The following MAN2B2 variants were observed in gnomAD, a reference collection of about 807,000 sequenced individuals.
MAN2B2 encodes the protein mannosidase alpha class 2B member 2, also known as epididymis-specific alpha-mannosidase.
MAN2B2 carries 106 observed loss-of-function variants against 117.1 expected under a neutral mutation model. The observed-to-expected ratio is 0.90, with a 90% confidence interval of 0.77 to 1.06. The LOEUF (loss-of-function observed/expected upper bound fraction) is 1.06. Ranked by LOEUF, MAN2B2 falls within the 50% of genes least tolerant of loss-of-function variation. The probability of loss-of-function intolerance (pLI) is 0.00; values close to 1 mark genes in which losing one functional copy is unlikely to be tolerated. For missense variants in MAN2B2, 1,326 were observed against 1,381.4 expected, an observed-to-expected ratio of 0.96 and a Z score of 0.64; for synonymous variants, 544 against 595.1, an observed-to-expected ratio of 0.91 and a Z score of 1.25.
chr4:6,580,126 G>T (rs1358141886), intron 3 of MAN2B2, among the ~76,000 whole-genome samples: 1 of 152,178 alleles, frequency 6.6e-6, no homozygotes, highest in Non-Finnish European at 1.5e-5. Context: ...CTGTAATCTG[G>T]AGTGTTCCCC....
chr4:6,616,769 T>G (rs1711896556), intron 16 of MAN2B2, among the ~76,000 whole-genome samples: 1 of 152,118 alleles, frequency 6.6e-6, no homozygotes, highest in Non-Finnish European at 1.5e-5. Context: ...GTGGGCAGCC[T>G]TACAGTCGGC....
chr4:6,603,655 C>T (rs1399424605), intron 10 of MAN2B2, among the ~76,000 whole-genome samples: 1 of 152,044 alleles, frequency 6.6e-6, no homozygotes, highest in African/African-American at 2.4e-5. Context: ...GTGTACTAAC[C>T]AAACAGACAA....
In MAN2B2 at chr4:6,614,267, GC is replaced by G. The variant is rs763040774; in HGVS notation, c.2618del (p.Pro873ArgfsTer8). Reference protein sequence around the residue: ...GPQQQEAVTLPPNLHLQILSI... With the variant: ...GPQQQEAVTLXPNLHLQILSI... ...CCCAGCAGCAAGAGGCCGTGACGCT[GC>G]CCCCGAATCTTCACCTGCAGATCCT... On this transcript the variant is annotated frameshift_variant, in exon 16 of 19. Coordinates refer to ENST00000285599, the MANE Select transcript of MAN2B2 (RefSeq NM_015274.3). LOFTEE classifies it high-confidence loss of function. 1 of 1,614,102 alleles carries G rather than the reference GC, an allele frequency of 6.2e-7. No homozygotes were observed.
chr4:6,608,739 A>T (rs1048641655), intron 11 of MAN2B2, among the ~76,000 whole-genome samples: 1 of 152,118 alleles, frequency 6.6e-6, no homozygotes, highest in African/African-American at 2.4e-5. Context: ...GTCTGTACAC[A>T]TGGGTGTCCT....
chr4:6,578,595 C>T, intron 3 of MAN2B2, 97 bp downstream of exon 3: 2 of 1,002,836 alleles, frequency 2.0e-6, no homozygotes, highest in Non-Finnish European at 1.5e-6. Context: ...CTGTCTGCCC[C>T]TCTTAGTGGG....
chr4:6,579,118 C>T (rs977965480), intron 3 of MAN2B2, among the ~76,000 whole-genome samples: 1 of 63,848 alleles, frequency 1.6e-5, no homozygotes, highest in Non-Finnish European at 3.4e-5. Flanking sequence ...CCATCACCAT[C>T]ACCACTACCA....
Position 6,605,056 on chromosome 4 carries a change from T to C in MAN2B2, c.1541T>C (p.Ile514Thr), listed in dbSNP as rs757265430. 1 of 1,609,444 alleles carries C rather than the reference T, an allele frequency of 6.2e-7. No individual in the cohort carries two copies. The highest frequency in any genetic ancestry group is 1.3e-5 in the African/African-American group (1 of 74,882). ...DEAGHPVPSQIQNSTETPSAY... is the reference protein window; with the variant it reads ...DEAGHPVPSQTQNSTETPSAY... ...AGTCTCATCCTGCTGGCCTTGCAGATCCAGAACTCAACAGAGACCCCATCT... is the reference window on the plus strand; with the variant it reads ...AGTCTCATCCTGCTGGCCTTGCAGACCCAGAACTCAACAGAGACCCCATCT... Residue 514 changes from isoleucine to threonine, a missense_variant and splice_region_variant, in exon 11 of 19, where the codon ATC becomes ACC. Coordinates refer to ENST00000285599, the MANE Select transcript of MAN2B2 (RefSeq NM_015274.3).
At chr4:6,584,594 G>A (rs1377291486) in intron 3 of MAN2B2, among the ~76,000 whole-genome samples, 1 of 152,248 alleles carries the variant, frequency 6.6e-6, no homozygotes, top group Admixed American at 6.5e-5. Flanking sequence ...TTTGCCTACA[G>A]TGAACAGTCC....
At chr4:6,581,135 AT>A (rs1726413304) in intron 3 of MAN2B2, among the ~76,000 whole-genome samples, 2 of 152,070 alleles carry the variant, frequency 1.3e-5, no homozygotes, top group Non-Finnish European at 2.9e-5. Context: ...ACAAATGCTT[AT>A]TTGTAGAGAA....
At chr4:6,586,053 G>GTTTTTTTTTTTTTTTTTTTT (rs759999292) in intron 3 of MAN2B2, among the ~76,000 whole-genome samples, 1 of 143,926 alleles carries the variant, frequency 6.9e-6, no homozygotes, top group African/African-American at 2.6e-5. Context: ...TTTTCTTGTG[G>GTTTTTTTTTTTTTTTTTTTT]TTTTTTTTTT....
chr4:6,581,078 G>A (rs1359159167), intron 3 of MAN2B2, among the ~76,000 whole-genome samples: 3 of 152,238 alleles, frequency 2.0e-5, no homozygotes, highest in South Asian at 4.1e-4. Context: ...AGATGTACAC[G>A]TATTTTTTTT....
At chr4:6,592,801 A>G (rs1240422877) in intron 5 of MAN2B2, among the ~76,000 whole-genome samples, 1 of 151,938 alleles carries the variant, frequency 6.6e-6, no homozygotes, top group Non-Finnish European at 1.5e-5. Context: ...AAACTCTGAC[A>G]TTTTGTTCCT....
intron 7 of MAN2B2, 29 bp from the exon 8 acceptor site, chr4:6,597,084 C>T: frequency 3.1e-6 from 5 of 1,603,780 alleles, no homozygotes; most frequent in Non-Finnish European, 4.3e-6. Flanking sequence ...CATGCCGTCT[C>T]AAGCTCACCA....
chr4:6,600,440 T>G (rs1176493901), intron 9 of MAN2B2, among the ~76,000 whole-genome samples, 183 bp from the exon 10 acceptor site: 1 of 152,246 alleles, frequency 6.6e-6, no homozygotes, highest in African/African-American at 2.4e-5. Context: ...GACTGCAGAA[T>G]GTAGCCCACG....
Position 6,611,007 on chromosome 4 carries a change from G to A in MAN2B2, c.2370+17G>A, listed in dbSNP as rs780479622. 1.9e-6 allele frequency: 3 copies of A among 1,613,774 alleles called. No homozygotes were observed. The highest frequency in any genetic ancestry group is 2.5e-6 in the Non-Finnish European group (3 of 1,179,710). ...CAGGTGGAGGTAGGAGGCACGGTCT[G>A]TCCTACAGCAGCCCCTCGCGGCCCC... is the stretch of plus-strand genomic sequence containing the variant. On this transcript the variant is annotated intron_variant, in intron 14 of 18. Coordinates refer to ENST00000285599, the MANE Select transcript of MAN2B2 (RefSeq NM_015274.3).
At chr4:6,586,931 G>A (rs978884050) in intron 3 of MAN2B2, 65 bp from the exon 4 acceptor site, 10 of 1,514,836 alleles carry the variant, frequency 6.6e-6, no homozygotes, top group African/African-American at 1.4e-5. Context: ...CCCCTGGGGT[G>A]AGGATGGGGC....
chr4:6,579,111 TCACCATCACCACTAC>T lies in MAN2B2; in HGVS notation c.391+619_391+633del, dbSNP rs1560634433. ...ATCACCATCACCAGCACCACCACCA[TCACCATCACCACTAC>T]CACCACCACCACCATCACCACCACC... On this transcript the variant is annotated intron_variant, in intron 3 of 18. Coordinates refer to ENST00000285599, the MANE Select transcript of MAN2B2 (RefSeq NM_015274.3). Among the ~76,000 whole-genome samples the T allele has an allele frequency of 8.3e-4, 21 of 25,234 alleles. 1 individual carries two copies. Among genetic ancestry groups the T allele is most frequent in the South Asian group, 1.7e-3 (1 of 600 alleles). The allele number at this position is 25,234 out of a possible 152,430, so 16.6% of individuals were successfully genotyped here. A position where few individuals can be genotyped will look rare whatever the true frequency, so the allele number is the denominator to read the frequency against.
Position 6,578,568 on chromosome 4 carries a change from C to T in MAN2B2, c.391+70C>T. 2.3e-6 allele frequency: 3 copies of T among 1,314,828 alleles called. No individual in the cohort carries two copies. In the South Asian group the frequency reaches 3.7e-5, roughly 16 times the overall value. 81.4% of individuals were successfully genotyped at this position (1,314,828 alleles called of 1,614,324 possible). On this transcript the variant is annotated intron_variant, in intron 3 of 18. Coordinates refer to ENST00000285599, the MANE Select transcript of MAN2B2 (RefSeq NM_015274.3). The stretch of plus-strand genomic sequence containing the variant: ...GTGGGGCTGGGACATGGTATCAGAA[C>T]CCCCAGGTTCTGAGCTCTGTCTGCC...
chr4:6,620,445 T>G, intron 18 of MAN2B2: 1 of 206,846 alleles, frequency 4.8e-6, no homozygotes, highest in Non-Finnish European at 1.0e-5. Flanking sequence ...CAGGCTCCAC[T>G]CCCTGTCCGC....
Sources: allele counts gnomAD v4.1 joint callset (sites outside exome capture counted in the v4.1 genomes callset), GRCh38; gene constraint gnomAD v4.1.1; transcripts MANE v1.5; gene names NCBI Gene and HGNC (gene_info 2026-07-23, HGNC 2026-07-21).